Variants in GABRA4 observed in about 807,000 individuals in gnomAD.
The protein encoded by GABRA4 is gamma-aminobutyric acid type A receptor subunit alpha4.
Under a neutral mutation model 49.7 loss-of-function variants are expected in GABRA4, and 12 were observed. That is an observed-to-expected ratio of 0.24 (90% CI 0.15 to 0.39). GABRA4 has a LOEUF of 0.39. Ranked by LOEUF, GABRA4 falls within the 10% of genes least tolerant of loss-of-function variation. GABRA4 has a pLI of 1.00. For missense variants in GABRA4, 506 were observed against 686.0 expected (o/e 0.74, Z 2.93); for synonymous variants, 288 against 240.2 (o/e 1.20, Z -1.84).
chr4:46,947,179 G>C (rs925585136), intron 8 of GABRA4, among the ~76,000 whole-genome samples: 1 of 151,724 alleles, frequency 6.6e-6, no homozygotes, highest in African/African-American at 2.4e-5. Flanking sequence ...CCTTTATCTA[G>C]CTTTTTAAGA....
intron 8 of GABRA4, among the ~76,000 whole-genome samples, chr4:46,938,037 T>C (rs1386154412): frequency 3.3e-5 from 5 of 152,042 alleles, no homozygotes; most frequent in Admixed American, 1.3e-4. Flanking sequence ...TAATTAACAA[T>C]ATAATTTATA....
At chr4:46,937,079 T>G (rs1721626189) in intron 8 of GABRA4, among the ~76,000 whole-genome samples, 1 of 152,174 alleles carries the variant, frequency 6.6e-6, no homozygotes, top group South Asian at 2.1e-4. Context: ...GTGGTTAAGG[T>G]TCAGTGAAGT....
chr4:46,931,177 G>A (rs561619795), intron 8 of GABRA4, among the ~76,000 whole-genome samples: 35 of 152,196 alleles, frequency 2.3e-4, no homozygotes, highest in African/African-American at 7.7e-4. Flanking sequence ...CGTCCAAAAT[G>A]ATTAGAAGAA....
intron 2 of GABRA4, among the ~76,000 whole-genome samples, chr4:46,980,525 T>A (rs920938223): frequency 1.3e-5 from 2 of 152,046 alleles, no homozygotes; most frequent in Non-Finnish European, 2.9e-5. Context: ...AATGAGAAAA[T>A]TCTTTACTGA....
chr4:46,989,183 C>T (rs1270086830), intron 2 of GABRA4, among the ~76,000 whole-genome samples: 1 of 152,152 alleles, frequency 6.6e-6, no homozygotes, highest in Non-Finnish European at 1.5e-5. Context: ...CTGTGCAACC[C>T]TTCAATAAAC....
At chr4:46,974,432 T>A in intron 5 of GABRA4, 57 bp from the exon 6 acceptor site, 1 of 1,489,210 alleles carries the variant, frequency 6.7e-7, no homozygotes, top group Non-Finnish European at 9.1e-7. Flanking sequence ...TCCACATCAG[T>A]GGTCAACACT....
At chr4:46,991,213 C>T (rs1391161412) in intron 2 of GABRA4, among the ~76,000 whole-genome samples, 2 of 151,956 alleles carry the variant, frequency 1.3e-5, no homozygotes, top group Non-Finnish European at 2.9e-5. Context: ...TATACAAATG[C>T]TGAATCAATA....
At chr4:46,971,561 T>A (rs558316841) in intron 6 of GABRA4, among the ~76,000 whole-genome samples, 124 of 151,592 alleles carry the variant, frequency 8.2e-4, no homozygotes, top group African/African-American at 2.7e-3. Context: ...CAGCGTTTTT[T>A]AGAAACAGCA....
At chr4:46,957,662 T>A (rs1722414051) in intron 8 of GABRA4, among the ~76,000 whole-genome samples, 1 of 152,008 alleles carries the variant, frequency 6.6e-6, no homozygotes, top group South Asian at 2.1e-4. Context: ...ATCCTAGTGA[T>A]TGATGCCACC....
chr4:46,978,687 CAA>C (rs71193889), intron 3 of GABRA4, among the ~76,000 whole-genome samples: 211 of 21,644 alleles, frequency 9.7e-3, no homozygotes, highest in African/African-American at 0.03. Flanking sequence ...AACTTCATCT[CAA>C]AAAAAAAAAA....
chr4:46,946,362 A>G (rs1167248676), intron 8 of GABRA4, among the ~76,000 whole-genome samples: 2 of 152,116 alleles, frequency 1.3e-5, no homozygotes, highest in Non-Finnish European at 2.9e-5. Context: ...GTGAGTCACT[A>G]TTATAAATAT....
intron 8 of GABRA4, among the ~76,000 whole-genome samples, chr4:46,963,493 C>T (rs1055435485): frequency 1.3e-5 from 2 of 151,790 alleles, no homozygotes; most frequent in African/African-American, 4.8e-5. Flanking sequence ...GCTTCTTCCT[C>T]ATTTTTCTCT....
intron 8 of GABRA4, among the ~76,000 whole-genome samples, chr4:46,960,721 T>C (rs2109369177): frequency 6.6e-6 from 1 of 151,764 alleles, no homozygotes; most frequent in Middle Eastern, 3.4e-3. Context: ...ATGGCCAAAG[T>C]TGTTTGCAAA....
chr4:46,971,672 T>C (rs887461739), intron 6 of GABRA4, among the ~76,000 whole-genome samples: 2 of 150,866 alleles, frequency 1.3e-5, no homozygotes, highest in African/African-American at 2.4e-5. Flanking sequence ...TATGAAAATA[T>C]AAAGTTTAAT....
chr4:46,946,726 G>A (rs368190611), intron 8 of GABRA4, among the ~76,000 whole-genome samples: 36 of 152,210 alleles, frequency 2.4e-4, no homozygotes, highest in African/African-American at 8.2e-4. Context: ...TCTGTTGAAT[G>A]AATAGATAAA....
chr4:46,945,099 G>C (rs1043284621), intron 8 of GABRA4, among the ~76,000 whole-genome samples: 65 of 152,268 alleles, frequency 4.3e-4, no homozygotes, highest in East Asian at 7.7e-4. Context: ...AAAGTCAAAA[G>C]TAGCACATTT....
chr4:46,956,392 A>G (rs1443334835), intron 8 of GABRA4, among the ~76,000 whole-genome samples: 1 of 152,116 alleles, frequency 6.6e-6, no homozygotes, highest in Non-Finnish European at 1.5e-5. Context: ...AAAGAACAGC[A>G]TTTTTAAGAG....
intron 8 of GABRA4, among the ~76,000 whole-genome samples, chr4:46,941,131 G>T (rs1004715845): frequency 6.6e-6 from 1 of 151,710 alleles, no homozygotes; most frequent in Admixed American, 6.6e-5. Flanking sequence ...AACCACTTCA[G>T]CCAGGCAGGC....
chr4:46,978,699 AAAAAAAAAAAAAAAG>A (rs1286767758), intron 3 of GABRA4, among the ~76,000 whole-genome samples: 1 of 149,684 alleles, frequency 6.7e-6, no homozygotes, highest in African/African-American at 2.4e-5. Context: ...AAAAAAAAAA[AAAAAAAAAAAAAAAG>A]AAAAAGAAAG....
Sources: allele counts gnomAD v4.1 joint callset (sites outside exome capture counted in the v4.1 genomes callset), GRCh38; gene constraint gnomAD v4.1.1; transcripts MANE v1.5; gene names NCBI Gene and HGNC (gene_info 2026-07-23, HGNC 2026-07-21).